PDE11A: variants seen among roughly 807,000 people sequenced by gnomAD.
PDE11A encodes the protein dual 3',5'-cyclic-AMP and -GMP phosphodiesterase 11A.
Under a neutral mutation model 100.5 loss-of-function variants are expected in PDE11A, and 100 were observed. That is an observed-to-expected ratio of 1.00 (90% CI 0.85 to 1.18). The LOEUF (loss-of-function observed/expected upper bound fraction) is 1.18, where lower values mean the gene tolerates loss of function less well. PDE11A is among the 50% of genes most tolerant of loss of function. PDE11A has a pLI of 0.00. For missense variants in PDE11A, 1,141 were observed against 1,152.6 expected, an observed-to-expected ratio of 0.99 and a Z score of 0.15; for synonymous variants, 381 against 420.8, an observed-to-expected ratio of 0.91 and a Z score of 1.16.
intron 14 of PDE11A, among the ~76,000 whole-genome samples, chr2:177,699,940 G>C (rs1271951627): frequency 6.6e-6 from 1 of 152,148 alleles, no homozygotes; most frequent in Non-Finnish European, 1.5e-5. Context: ...TATAATACTT[G>C]TTATTACAAA....
At chr2:177,824,829 A>T (rs2083202089) in intron 6 of PDE11A, among the ~76,000 whole-genome samples, 2 of 152,216 alleles carry the variant, frequency 1.3e-5, no homozygotes, top group Admixed American at 1.3e-4. Flanking sequence ...AATATTTAAT[A>T]TATTAAATGA....
At chr2:177,949,996 CATGAT>C (rs148091155) in intron 2 of PDE11A, among the ~76,000 whole-genome samples, 9,913 of 152,234 alleles carry the variant, frequency 0.065, 373 homozygotes, top group East Asian at 0.14. Context: ...TTGTTGAGAA[CATGAT>C]ATAACAGTTT....
intron 19 of PDE11A, among the ~76,000 whole-genome samples, chr2:177,641,924 C>A (rs2080150591): frequency 6.6e-6 from 1 of 152,320 alleles, no homozygotes; most frequent in African/African-American, 2.4e-5. Flanking sequence ...ATTCTCAAAA[C>A]TACCAGGTAT....
At chr2:178,024,836 T>C (rs2086459169) in intron 1 of PDE11A, among the ~76,000 whole-genome samples, 2 of 152,256 alleles carry the variant, frequency 1.3e-5, no homozygotes, top group South Asian at 4.1e-4. Flanking sequence ...TTATGACTTA[T>C]CAGTAGACAT....
intron 10 of PDE11A, among the ~76,000 whole-genome samples, chr2:177,753,756 C>T (rs1318464029): frequency 1.3e-5 from 2 of 151,074 alleles, no homozygotes; most frequent in Non-Finnish European, 2.9e-5. Context: ...CAGCACTTCC[C>T]TTTATCAGGC....
At chr2:177,710,513 T>C (rs927639387) in intron 13 of PDE11A, among the ~76,000 whole-genome samples, 12 of 152,204 alleles carry the variant, frequency 7.9e-5, no homozygotes, top group Non-Finnish European at 1.8e-4. Context: ...ATATATTTGG[T>C]ATGTCTCTAA....
At chr2:177,776,070 G>C (rs1480148451) in intron 9 of PDE11A, among the ~76,000 whole-genome samples, 2 of 152,116 alleles carry the variant, frequency 1.3e-5, no homozygotes, top group Non-Finnish European at 2.9e-5. Flanking sequence ...ATGTCTCACT[G>C]TTTGTATTAT....
chr2:177,630,380 T>C (rs2079900307), intron 19 of PDE11A, among the ~76,000 whole-genome samples: 1 of 152,168 alleles, frequency 6.6e-6, no homozygotes, highest in Non-Finnish European at 1.5e-5. Flanking sequence ...TTGCCCCTGG[T>C]AGTGGAATGA....
intron 13 of PDE11A, among the ~76,000 whole-genome samples, chr2:177,710,054 C>A (rs186582371): frequency 6.6e-6 from 1 of 151,610 alleles, no homozygotes; most frequent in African/African-American, 2.4e-5. Flanking sequence ...TTTCAAGATG[C>A]GGGGGAGCTG....
chr2:177,907,418 T>C (rs192066486), intron 2 of PDE11A, among the ~76,000 whole-genome samples: 1 of 152,372 alleles, frequency 6.6e-6, no homozygotes, highest in East Asian at 1.9e-4. Flanking sequence ...TGCCATTGGC[T>C]AAGCCCTTCT....
In PDE11A at chr2:177,834,308, T is replaced by C. The variant is rs939331930; in HGVS notation, c.1500+5943A>G. Among the ~76,000 whole-genome samples, 5 of 152,170 alleles carry C rather than the reference T, an allele frequency of 3.3e-5. No homozygotes were observed. The South Asian group carries it at 8.3e-4, about 25-fold the overall frequency. ...TCACTTTTGTTTCTGAGCTTTCTTG[T>C]CCTCAGACTTTTTCTGAAGGCAGAG... is the stretch of plus-strand genomic sequence containing the variant. On this transcript the variant is annotated intron_variant, in intron 6 of 19. Coordinates refer to ENST00000286063, the MANE Select transcript of PDE11A (RefSeq NM_016953.4).
At chr2:178,012,353 T>A (rs948633118) in intron 2 of PDE11A, among the ~76,000 whole-genome samples, 2 of 152,214 alleles carry the variant, frequency 1.3e-5, no homozygotes, top group Admixed American at 1.3e-4. Context: ...TTAAAACTCA[T>A]AGGGAAAATA....
intron 2 of PDE11A, among the ~76,000 whole-genome samples, chr2:177,912,134 T>C (rs1192058651): frequency 6.6e-6 from 1 of 152,084 alleles, no homozygotes; most frequent in Non-Finnish European, 1.5e-5. Flanking sequence ...TCCTCACTGG[T>C]CCAAATTTGG....
intron 1 of PDE11A, among the ~76,000 whole-genome samples, chr2:178,050,099 C>T (rs1044453594): frequency 2.0e-5 from 3 of 152,156 alleles, no homozygotes; most frequent in Admixed American, 2.0e-4. Context: ...AGGCGCCTCC[C>T]AGTAGGGGCA....
At chr2:177,717,625 G>C (rs72947189) in intron 12 of PDE11A, among the ~76,000 whole-genome samples, 4 of 151,968 alleles carry the variant, frequency 2.6e-5, no homozygotes, top group Non-Finnish European at 4.4e-5. Flanking sequence ...TCTAAGTAAA[G>C]AGTCAGCCAG....
chr2:177,814,146 A>T (rs13409414), intron 9 of PDE11A, among the ~76,000 whole-genome samples: 61,617 of 151,770 alleles, frequency 0.41, 14,329 homozygotes, highest in African/African-American at 0.64. Flanking sequence ...GTTACATAAT[A>T]TATATTCTCA....
intron 3 of PDE11A, among the ~76,000 whole-genome samples, chr2:177,903,940 GA>G (rs1200479257): frequency 2.0e-5 from 3 of 152,156 alleles, no homozygotes; most frequent in African/African-American, 4.8e-5. Flanking sequence ...TCAAAACAGA[GA>G]AAAGATGTGG....
intron 1 of PDE11A, among the ~76,000 whole-genome samples, chr2:178,041,444 A>C (rs1268277059): frequency 2.0e-5 from 3 of 151,430 alleles, no homozygotes; most frequent in Non-Finnish European, 4.4e-5. Context: ...GGGTTTAACC[A>C]TAGTGGTCAG....
chr2:178,045,605 C>G (rs1325866321), intron 1 of PDE11A, among the ~76,000 whole-genome samples: 1 of 152,188 alleles, frequency 6.6e-6, no homozygotes, highest in Non-Finnish European at 1.5e-5. Context: ...AGCTGTGTGA[C>G]CTTGGGGAAA....
Sources: gnomAD v4.1 joint callset for allele counts (sites outside exome capture counted in the v4.1 genomes callset) on GRCh38, gnomAD v4.1.1 for gene constraint, MANE v1.5 for transcripts, NCBI Gene and HGNC (gene_info 2026-07-23, HGNC 2026-07-21) for gene names.